GALNTL6: variants seen among roughly 807,000 people sequenced by gnomAD.
GALNTL6 encodes polypeptide N-acetylgalactosaminyltransferase like 6.
GALNTL6 carries 46 observed loss-of-function variants against 73.7 expected under a neutral mutation model. The ratio of observed to expected loss-of-function variants is 0.62; its 90% CI spans 0.49 to 0.80. The LOEUF (loss-of-function observed/expected upper bound fraction) is 0.80. Among genes scored for constraint, GALNTL6 ranks in the 30% least tolerant of loss-of-function variants. GALNTL6 has a pLI of 0.00. For missense variants in GALNTL6, 604 were observed against 755.0 expected, an observed-to-expected ratio of 0.80 and a Z score of 2.34; for synonymous variants, 259 against 263.7, an observed-to-expected ratio of 0.98 and a Z score of 0.17.
At chr4:172,743,758 C>T (rs1019637413) in intron 5 of GALNTL6, among the ~76,000 whole-genome samples, 20 of 152,166 alleles carry the variant, frequency 1.3e-4, no homozygotes, top group African/African-American at 4.8e-4. Flanking sequence ...TCTCGATGTC[C>T]TTACAAACTT....
chr4:172,134,253 C>T (rs938799279), intron 2 of GALNTL6, among the ~76,000 whole-genome samples: 4 of 151,814 alleles, frequency 2.6e-5, no homozygotes, highest in African/African-American at 4.8e-5. Flanking sequence ...GGCATGGTGG[C>T]GGGCGCCTGT....
At chr4:172,710,090 T>C (rs10866355) in intron 5 of GALNTL6, among the ~76,000 whole-genome samples, 64,948 of 151,982 alleles carry the variant, frequency 0.43, 16,114 homozygotes, top group East Asian at 0.69. Flanking sequence ...ATTACTATAA[T>C]AGATACATTA....
chr4:172,905,812 CAAAAAAAAAAAAAAAA>C (rs397996287), intron 8 of GALNTL6, among the ~76,000 whole-genome samples: 1 of 69,664 alleles, frequency 1.4e-5, no homozygotes, highest in Admixed American at 1.6e-4. Context: ...AGAGATCACT[CAAAAAAAAAAAAAAAA>C]AAAAAAAAGG....
rs145269254 is a variant in GALNTL6 at position 172,791,388 on chromosome 4, C to A, written c.554-17973C>A. 4.6e-3 allele frequency among the ~76,000 whole-genome samples: 693 copies of A among 152,292 alleles called. 7 individuals carry two copies. The highest frequency in any genetic ancestry group is 0.014 in the African/African-American group (564 of 41,564). ...CATTGAAAATATAGAACAACCAGTACATTGATAAACAACAGTGGTGGAGGT... is the reference window on the plus strand; with the variant it reads ...CATTGAAAATATAGAACAACCAGTAAATTGATAAACAACAGTGGTGGAGGT... On this transcript the variant is annotated intron_variant, in intron 5 of 12. Coordinates refer to ENST00000506823, the MANE Select transcript of GALNTL6 (RefSeq NM_001034845.3).
At chr4:171,921,503 G>C (rs1737785762) in intron 2 of GALNTL6, among the ~76,000 whole-genome samples, 1 of 152,130 alleles carries the variant, frequency 6.6e-6, no homozygotes, top group Non-Finnish European at 1.5e-5. Context: ...GGCTTATAAA[G>C]AGCACAAGAT....
chr4:172,339,106 C>T (rs77569454), intron 4 of GALNTL6, among the ~76,000 whole-genome samples: 3,970 of 152,134 alleles, frequency 0.026, 144 homozygotes, highest in African/African-American at 0.084. Context: ...GTGGTCTCTG[C>T]GTAAGAACGA....
chr4:172,356,949 A>C (rs1742182074), intron 5 of GALNTL6, among the ~76,000 whole-genome samples: 1 of 152,198 alleles, frequency 6.6e-6, no homozygotes, highest in Admixed American at 6.5e-5. Flanking sequence ...ATGTACCACA[A>C]TTATATAGAC....
chr4:172,939,724 C>G (rs1013783295), intron 9 of GALNTL6, among the ~76,000 whole-genome samples: 10 of 152,206 alleles, frequency 6.6e-5, no homozygotes, highest in Non-Finnish European at 1.3e-4. Flanking sequence ...GTAGACAACA[C>G]TGGTAGAGCA....
chr4:172,472,867 G>A (rs978934333), intron 5 of GALNTL6, among the ~76,000 whole-genome samples: 5 of 152,064 alleles, frequency 3.3e-5, no homozygotes, highest in South Asian at 2.1e-4. Flanking sequence ...AAAAGAATAA[G>A]TTTTTTGTTG....
intron 5 of GALNTL6, among the ~76,000 whole-genome samples, chr4:172,764,199 C>T (rs779140122): frequency 6.6e-6 from 1 of 152,176 alleles, no homozygotes; most frequent in Non-Finnish European, 1.5e-5. Flanking sequence ...CTCAGATGGT[C>T]CGCCCGCCTT....
intron 3 of GALNTL6, among the ~76,000 whole-genome samples, chr4:172,308,148 A>C (rs1740218980): frequency 6.8e-6 from 1 of 147,594 alleles, no homozygotes; most frequent in Admixed American, 6.8e-5. Flanking sequence ...AACTTTACTG[A>C]ATTCATTTAC....
intron 5 of GALNTL6, among the ~76,000 whole-genome samples, chr4:172,698,690 T>C (rs2111282222): frequency 6.6e-6 from 1 of 152,130 alleles, no homozygotes; most frequent in Middle Eastern, 3.4e-3. Context: ...GGAATGGGAG[T>C]CACATAAATT....
chr4:172,883,741 G>A (rs1222614377), intron 8 of GALNTL6, among the ~76,000 whole-genome samples: 1 of 152,004 alleles, frequency 6.6e-6, no homozygotes, highest in Non-Finnish European at 1.5e-5. Context: ...CCATTTAACT[G>A]TATTTTTGTA....
intron 5 of GALNTL6, among the ~76,000 whole-genome samples, chr4:172,694,673 G>C (rs1010836820): frequency 6.6e-6 from 1 of 152,188 alleles, no homozygotes; most frequent in African/African-American, 2.4e-5. Flanking sequence ...GCAGAGACTG[G>C]AACAGCGTGA....
At chr4:172,883,410 C>T (rs7677551) in intron 8 of GALNTL6, among the ~76,000 whole-genome samples, 15,633 of 152,170 alleles carry the variant, frequency 0.1, 1,186 homozygotes, top group African/African-American at 0.21. Context: ...CTGGCATCTG[C>T]TTCTGGTAAG....
chr4:172,621,864 G>A (rs752544332), intron 5 of GALNTL6, among the ~76,000 whole-genome samples: 33 of 152,028 alleles, frequency 2.2e-4, no homozygotes, highest in Non-Finnish European at 8.8e-5. Context: ...CTTCCTAGAA[G>A]CTTATATTTC....
Position 172,847,956 on chromosome 4 carries a change from A to G in GALNTL6, c.923+34233A>G, listed in dbSNP as rs993252692. Among the ~76,000 whole-genome samples the G allele has an allele frequency of 3.9e-5, 6 of 152,210 alleles. No individual in the cohort carries two copies. The East Asian group carries it at 5.8e-4, about 15-fold the overall frequency. On this transcript the variant is annotated intron_variant, in intron 7 of 12. Coordinates refer to ENST00000506823, the MANE Select transcript of GALNTL6 (RefSeq NM_001034845.3). ...TAGAGCTCAGTCTGAGAGACCCTCT[A>G]TCTACATACACCTCACCCTCCCCAT...
intron 4 of GALNTL6, among the ~76,000 whole-genome samples, chr4:172,315,207 A>G (rs765575074): frequency 6.6e-6 from 1 of 152,128 alleles, no homozygotes; most frequent in Non-Finnish European, 1.5e-5. Flanking sequence ...GTGCTTTGGT[A>G]TGTCAAATTT....
chr4:172,317,244 T>G (rs996631431), intron 4 of GALNTL6, among the ~76,000 whole-genome samples: 2 of 152,172 alleles, frequency 1.3e-5, no homozygotes, highest in African/African-American at 4.8e-5. Flanking sequence ...GGAAGTATAT[T>G]GAATAATGAT....
Sources: allele counts gnomAD v4.1 joint callset (sites outside exome capture counted in the v4.1 genomes callset), GRCh38; gene constraint gnomAD v4.1.1; transcripts MANE v1.5; gene names NCBI Gene and HGNC (gene_info 2026-07-23, HGNC 2026-07-21).